Variants in TRAF6 observed in about 807,000 individuals in gnomAD.
The protein encoded by TRAF6 is TNF receptor associated factor 6.
TRAF6 carries 10 observed loss-of-function variants against 48.4 expected under a neutral mutation model. The ratio of observed to expected loss-of-function variants is 0.21; its 90% CI spans 0.13 to 0.35. The LOEUF is 0.35. Among genes scored for constraint, TRAF6 ranks in the 10% least tolerant of loss-of-function variants. TRAF6 has a pLI of 1.00. For synonymous variants in TRAF6, 186 were observed against 219.6 expected, an observed-to-expected ratio of 0.85 and a Z score of 1.35; for missense variants, 397 against 661.0, an observed-to-expected ratio of 0.60 and a Z score of 4.38.
chr11:36,490,115 C>T lies in TRAF6; in HGVS notation c.1292G>A (p.Arg431His), dbSNP rs1859543085. Reference protein sequence around the residue: ...HLPWPFQGTIRLTILDQSEAP... With the variant: ...HLPWPFQGTIHLTILDQSEAP... ...TTCAGACTGATCAAGAATTGTAAGG[C>T]GTATTGTACCCTGGAAGGGCCAAGG... is the stretch of plus-strand genomic sequence containing the variant. Residue 431 changes from arginine to histidine, a missense_variant, in exon 7 of 7, where the codon CGC (arginine) becomes CAC (histidine). By Grantham distance (29) the Arg-to-His change is conservative. This residue lies in a region of TRAF6 where 74 missense variants were observed against 198.9 expected (regional missense o/e 0.37). Coordinates refer to ENST00000526995, the MANE Select transcript of TRAF6 (RefSeq NM_004620.4). This position sits in a 1 kb window ranked among gnomAD's most constrained non-coding sequence, Gnocchi z 6.4. The T allele has an allele frequency of 1.2e-6, 2 of 1,614,148 alleles. No homozygotes were observed. The highest frequency in any genetic ancestry group is 1.7e-6 in the Non-Finnish European group (2 of 1,180,032).
In TRAF6 at chr11:36,488,361, G is replaced by A. The variant is rs550459723; in HGVS notation, c.*1477C>T. The A allele has an allele frequency of 6.5e-6, 1 of 152,734 alleles. No homozygotes were observed. The highest frequency in any genetic ancestry group is 2.1e-4 in the South Asian group (1 of 4,824). The allele number at this position is 152,734 out of a possible 1,614,324, so 9.5% of individuals were successfully genotyped here. On this transcript the variant is annotated 3_prime_UTR_variant, in exon 7 of 7. Coordinates refer to ENST00000526995, the MANE Select transcript of TRAF6 (RefSeq NM_004620.4). ...AAAGGGAAAGTTCAAAGTGACACTC[G>A]CTGGGGCTGAAAACCACACTCCCCT...
chr11:36,492,499 TA>T, intron 6 of TRAF6, 51 bp downstream of exon 6: 1 of 1,379,488 alleles, frequency 7.2e-7, no homozygotes, highest in South Asian at 1.2e-5. Flanking sequence ...CTACATGATG[TA>T]AATATTTTTT....
At chr11:36,507,147 T>C (rs792239) in intron 1 of TRAF6, among the ~76,000 whole-genome samples, 15,321 of 127,078 alleles carry the variant, frequency 0.12, 1,403 homozygotes, top group African/African-American at 0.16. Flanking sequence ...AATGTATATA[T>C]GTATATATAC....
rs1859555579 is a variant in TRAF6 at position 36,490,963 on chromosome 11, T to C, written c.757-313A>G. Among the ~76,000 whole-genome samples, 1 of 152,206 alleles carries C rather than the reference T, an allele frequency of 6.6e-6. No individual in the cohort carries two copies. Among genetic ancestry groups the C allele is most frequent in the Non-Finnish European group, 1.5e-5 (1 of 68,034 alleles). On this transcript the variant is annotated intron_variant, in intron 6 of 6. Transcript: ENST00000526995. The surrounding 1 kb of genome is among the most constrained non-coding windows in gnomAD (Gnocchi z 6.4). ...CCTGTCCTCTCCAAGATTAACATTC[T>C]ACCTGTGCTCTAAATGTTACCTGAC...
chr11:36,498,539 T>A lies in TRAF6; in HGVS notation c.398A>T (p.Lys133Ile), dbSNP rs750341857. ...AKREILSLMVKCPNEGCLHKM... is the reference protein window; with the variant it reads ...AKREILSLMVICPNEGCLHKM... ...GTGCAAACAACCTTCATTTGGACAT[T>A]TCACCATCAGAGAAAGAATCTCACG... The change falls in exon 3 of 7, where the codon AAA becomes ATA. Residue 133 changes from lysine to isoleucine, a missense_variant. By Grantham distance (102) the Lys-to-Ile change is moderately radical (BLOSUM62 -3). This residue lies in a region of TRAF6 where 245 missense variants were observed against 349.1 expected (regional missense o/e 0.70). Coordinates refer to ENST00000526995, the MANE Select transcript of TRAF6 (RefSeq NM_004620.4). 6.2e-7 allele frequency: 1 copy of A among 1,612,944 alleles called. No individual in the cohort carries two copies. Among genetic ancestry groups the A allele is most frequent in the Non-Finnish European group, 8.5e-7 (1 of 1,179,904 alleles).
At chr11:36,494,891 TATTG>T in intron 5 of TRAF6, 81 bp downstream of exon 5, 2 of 976,344 alleles carry the variant, frequency 2.0e-6, no homozygotes, top group Non-Finnish European at 1.6e-6. Context: ...TTCTTTGCCT[TATTG>T]ATTTAAATTT....
In TRAF6 at chr11:36,490,591, C is replaced by A; in HGVS notation, c.816G>T (p.Met272Ile). The A allele has an allele frequency of 6.2e-7, 1 of 1,614,038 alleles. No homozygotes were observed. Among genetic ancestry groups the A allele is most frequent in the East Asian group, 2.2e-5 (1 of 44,864 alleles). The change falls in exon 7 of 7, where the codon ATG (methionine) becomes ATT (isoleucine). Residue 272 changes from methionine (M) to isoleucine (I), a missense_variant. Physicochemically the swap from Met to Ile is conservative, Grantham distance 10. This residue lies in a region of TRAF6 where 245 missense variants were observed against 349.1 expected (regional missense o/e 0.70). Transcript: ENST00000526995. The surrounding 1 kb of genome is among the most constrained non-coding windows in gnomAD (Gnocchi z 6.4). Reference protein sequence around the residue: ...LQENTQSHMRMLAQAVHSLSV... With the variant: ...LQENTQSHMRILAQAVHSLSV... Reference sequence around the variant, plus strand: ...TCAAACTATGAACAGCCTGGGCCAACATTCTCATGTGTGACTGGGTGTTCT... The same window carrying A: ...TCAAACTATGAACAGCCTGGGCCAAAATTCTCATGTGTGACTGGGTGTTCT...
chr11:36,503,103 G>C (rs5030438), intron 1 of TRAF6, among the ~76,000 whole-genome samples: 1,874 of 152,252 alleles, frequency 0.012, 33 homozygotes, highest in African/African-American at 0.043. Context: ...TTTGCACTTT[G>C]TAATACACTA....
intron 1 of TRAF6, among the ~76,000 whole-genome samples, chr11:36,503,873 T>C (rs757588295): frequency 4.6e-5 from 7 of 152,214 alleles, no homozygotes; most frequent in Non-Finnish European, 7.3e-5. Context: ...ACATTTTGGA[T>C]TCAGTTCCAA....
At chr11:36,503,901 A>C (rs1859751523) in intron 1 of TRAF6, among the ~76,000 whole-genome samples, 1 of 152,210 alleles carries the variant, frequency 6.6e-6, no homozygotes, top group African/African-American at 2.4e-5. Flanking sequence ...CAATAATCCA[A>C]ATACCATAAT....
rs562432483 is a variant in TRAF6 at position 36,486,622 on chromosome 11, C to G, written c.*3216G>C. Among the ~76,000 whole-genome samples, 1 of 152,244 alleles carries G rather than the reference C, an allele frequency of 6.6e-6. No homozygotes were observed. The highest frequency in any genetic ancestry group is 1.5e-5 in the Non-Finnish European group (1 of 68,002). ...AGAATAAAAAACACCTGCCTTCATT[C>G]TGTTTCACTTTTTTCTACTATTTAT... On this transcript the variant is annotated 3_prime_UTR_variant, in exon 7 of 7. Coordinates refer to ENST00000526995, the MANE Select transcript of TRAF6 (RefSeq NM_004620.4).
chr11:36,490,377 T>C lies in TRAF6; in HGVS notation c.1030A>G (p.Ile344Val), dbSNP rs147417401. 89 of 1,614,086 alleles carry C rather than the reference T, an allele frequency of 5.5e-5. No homozygotes were observed. The highest frequency in any genetic ancestry group is 6.4e-5 in the Non-Finnish European group (76 of 1,180,046). ...IRTLEDKVAE[I>V]EAQQCNGIYI... ...ATTCCATTGCACTGCTGTGCTTCGA[T>C]TTCAGCAACTTTGTCCTCAAGGGTT... The change falls in exon 7 of 7, where the codon ATC (isoleucine) becomes GTC (valine). Residue 344 changes from isoleucine to valine, a missense_variant. By Grantham distance (29) the Ile-to-Val change is conservative. Around this residue, in one of 4 missense-constraint regions of TRAF6, gnomAD observed 245 missense variants for 349.1 expected, o/e 0.70. Transcript: ENST00000526995. This position sits in a 1 kb window ranked among gnomAD's most constrained non-coding sequence, Gnocchi z 6.4.
At chr11:36,494,306 G>C (rs897426106) in intron 5 of TRAF6, among the ~76,000 whole-genome samples, 1 of 152,144 alleles carries the variant, frequency 6.6e-6, no homozygotes, top group Non-Finnish European at 1.5e-5. Context: ...CCAGGAATTT[G>C]AGGCTGCAGT....
rs984935915 is a variant in TRAF6 at position 36,486,322 on chromosome 11, A to G, written c.*3516T>C. ...CCAAAGTGCTGGGATTATAGGCGTG[A>G]GCCACCGTGCCCAGCCTAATAGTAT... On this transcript the variant is annotated 3_prime_UTR_variant, in exon 7 of 7. Coordinates refer to ENST00000526995, the MANE Select transcript of TRAF6 (RefSeq NM_004620.4). Among the ~76,000 whole-genome samples, 1 of 152,168 alleles carries G rather than the reference A, an allele frequency of 6.6e-6. No homozygotes were observed. The highest frequency in any genetic ancestry group is 1.5e-5 in the Non-Finnish European group (1 of 68,040).
chr11:36,509,182 C>G (rs1413673497), intron 1 of TRAF6, among the ~76,000 whole-genome samples: 1 of 152,192 alleles, frequency 6.6e-6, no homozygotes, highest in Non-Finnish European at 1.5e-5. Context: ...TACATGGAAC[C>G]TGTGTAACAA....
Position 36,490,140 on chromosome 11 carries a change from G to A in TRAF6, c.1267C>T (p.Pro423Ser), listed in dbSNP as rs1564964595. Residue 423 changes from proline to serine, a missense_variant, in exon 7 of 7, where the codon CCT (proline) becomes TCT (serine). This residue lies in a region of TRAF6 where 74 missense variants were observed against 198.9 expected (regional missense o/e 0.37). Transcript: ENST00000526995. This position sits in a 1 kb window ranked among gnomAD's most constrained non-coding sequence, Gnocchi z 6.4. ...TMQGEYDSHL[P>S]WPFQGTIRLT... ...CGTATTGTACCCTGGAAGGGCCAAG[G>A]GAGGTGGCTGTCATATTCTCCTTGC... is the stretch of plus-strand genomic sequence containing the variant. 1.9e-6 allele frequency: 3 copies of A among 1,614,182 alleles called. No individual in the cohort carries two copies. Among genetic ancestry groups the A allele is most frequent in the Non-Finnish European group, 2.5e-6 (3 of 1,180,044 alleles).
At position 36,501,360 on chromosome 11, in the gene TRAF6, C is replaced by T. The variant is rs998647138; in HGVS notation, c.156G>A (p.Glu52=). The change falls in exon 2 of 7, where the codon GAG becomes GAA. Residue 52 remains glutamate (E), a synonymous_variant. Coordinates refer to ENST00000526995, the MANE Select transcript of TRAF6 (RefSeq NM_004620.4). The stretch of plus-strand genomic sequence containing the variant: ...CAAACTCTACATCATATCCCTGGAT[C>T]TCCTCCATAAATGAGCTGGAGAGGT... The part of the protein sequence containing the change: ...TGNLSSSFME[E]IQGYDVEFDP... 1.2e-6 allele frequency: 2 copies of T among 1,614,130 alleles called. No individual in the cohort carries two copies. The highest frequency in any genetic ancestry group is 1.7e-6 in the Non-Finnish European group (2 of 1,180,030).
chr11:36,500,274 T>A (rs573424660), intron 2 of TRAF6, among the ~76,000 whole-genome samples: 1 of 152,110 alleles, frequency 6.6e-6, no homozygotes, highest in Admixed American at 6.5e-5. Context: ...ATAAATACGG[T>A]GGTGAGGGGA....
intron 1 of TRAF6, 95 bp from the exon 2 acceptor site, chr11:36,501,632 T>C: frequency 2.1e-6 from 2 of 942,690 alleles, no homozygotes; most frequent in African/African-American, 3.3e-5. Flanking sequence ...AAGTCACTTT[T>C]TAATTCATGT....
Sources: gnomAD v4.1 joint callset for allele counts (sites outside exome capture counted in the v4.1 genomes callset) on GRCh38, gnomAD v4.1.1 for gene constraint, gnomAD v4.1.1 regional missense constraint, Gnocchi (gnomAD v3.1) non-coding constraint, MANE v1.5 for transcripts, NCBI Gene and HGNC (gene_info 2026-07-23, HGNC 2026-07-21) for gene names.